TNFRSF10D: variants seen among roughly 807,000 people sequenced by gnomAD.
TNFRSF10D encodes the protein TNF receptor superfamily member 10d.
Under a neutral mutation model 42.1 loss-of-function variants are expected in TNFRSF10D, and 28 were observed. That is an observed-to-expected ratio of 0.66 (90% CI 0.49 to 0.91). The LOEUF (loss-of-function observed/expected upper bound fraction) is 0.91, where lower values mean the gene tolerates loss of function less well. Among genes scored for constraint, TNFRSF10D ranks in the 40% least tolerant of loss-of-function variants. The pLI, the probability that TNFRSF10D is intolerant of heterozygous loss-of-function variation, is 0.00. For synonymous variants in TNFRSF10D, 186 were observed against 189.4 expected, an observed-to-expected ratio of 0.98 and a Z score of 0.15; for missense variants, 503 against 486.1, an observed-to-expected ratio of 1.03 and a Z score of -0.33.
chr8:23,147,350 C>A (rs1437954110), intron 3 of TNFRSF10D, among the ~76,000 whole-genome samples: 1 of 152,226 alleles, frequency 6.6e-6, no homozygotes, highest in East Asian at 1.9e-4. Context: ...AAGGGCATCA[C>A]CTGAGAGACT....
chr8:23,153,720 A>G (rs113907392), intron 2 of TNFRSF10D, among the ~76,000 whole-genome samples: 765 of 152,194 alleles, frequency 5.0e-3, no homozygotes, highest in African/African-American at 0.017. Flanking sequence ...ACAAAAGATA[A>G]CAAGTGTTGA....
intron 2 of TNFRSF10D, 94 bp downstream of exon 2, chr8:23,154,780 T>G: frequency 7.6e-7 from 1 of 1,314,920 alleles, no homozygotes; most frequent in Non-Finnish European, 1.1e-6. Context: ...TCACAATGCG[T>G]GCATATTTCC....
intron 1 of TNFRSF10D, among the ~76,000 whole-genome samples, chr8:23,155,709 A>C (rs1213790198): frequency 6.6e-6 from 1 of 151,484 alleles, no homozygotes; most frequent in Non-Finnish European, 1.5e-5. Context: ...CAAAAAAAAA[A>C]ACAAAAAACA....
chr8:23,162,282 T>C (rs115232705), intron 1 of TNFRSF10D, among the ~76,000 whole-genome samples: 866 of 152,106 alleles, frequency 5.7e-3, no homozygotes, highest in African/African-American at 0.018. Context: ...AGGTTGCTGG[T>C]CTTGTCTACA....
intron 1 of TNFRSF10D, among the ~76,000 whole-genome samples, chr8:23,161,450 C>A (rs1224737540): frequency 2.0e-5 from 3 of 152,244 alleles, no homozygotes; most frequent in African/African-American, 7.2e-5. Flanking sequence ...CAGCTCCAGG[C>A]TCATCTGATG....
intron 8 of TNFRSF10D, 30 bp from the exon 9 acceptor site, chr8:23,138,033 A>T: frequency 6.2e-7 from 1 of 1,607,426 alleles, no homozygotes; most frequent in Non-Finnish European, 8.5e-7. Context: ...TTAGGGTCTC[A>T]ATGCTCCAAG....
In TNFRSF10D at chr8:23,145,730, AC is replaced by A; in HGVS notation, c.673del (p.Val225TrpfsTer56). The part of the protein sequence containing the change: ...IIVVLVIILA[V>X]VVVGFSCRKK... ...CCGACATGAAAAGCCAACCACAACC[AC>A]AGCTAAAATGATGACTAAAACCACT... On this transcript the variant is annotated frameshift_variant, in exon 5 of 9. Transcript: ENST00000312584. LOFTEE classifies it high-confidence loss of function. 1 of 1,613,936 alleles carries A rather than the reference AC, an allele frequency of 6.2e-7. No individual in the cohort carries two copies. Among genetic ancestry groups the A allele is most frequent in the Non-Finnish European group, 8.5e-7 (1 of 1,180,026 alleles).
intron 4 of TNFRSF10D, 105 bp from the exon 5 acceptor site, chr8:23,146,026 G>A: frequency 6.6e-7 from 1 of 1,509,236 alleles, no homozygotes; most frequent in Admixed American, 1.7e-5. Context: ...GAAGGCGTCA[G>A]GAGGACAGGC....
Position 23,163,984 on chromosome 8 carries a change from G to A in TNFRSF10D, c.-49C>T, listed in dbSNP as rs745505284. 2.7e-6 allele frequency: 4 copies of A among 1,508,472 alleles called. No individual in the cohort carries two copies. The highest frequency in any genetic ancestry group is 2.5e-5 in the Admixed American group (1 of 40,782). 93.4% of individuals were successfully genotyped at this position (1,508,472 alleles called of 1,614,324 possible). A position where few individuals can be genotyped will look rare whatever the true frequency, so the allele number is the denominator to read the frequency against. On this transcript the variant is annotated 5_prime_UTR_variant, in exon 1 of 9. It adds an upstream start codon to the 5' untranslated region. Transcript: ENST00000312584. ...AAGCGCCAAAAATCAATCAGAAATCGTCCCCGTAGTTTGTGCGCGTGCAAA... is the reference window on the plus strand; with the variant it reads ...AAGCGCCAAAAATCAATCAGAAATCATCCCCGTAGTTTGTGCGCGTGCAAA...
chr8:23,151,931 A>G (rs924514120), intron 2 of TNFRSF10D, among the ~76,000 whole-genome samples: 1 of 152,190 alleles, frequency 6.6e-6, no homozygotes, highest in Non-Finnish European at 1.5e-5. Flanking sequence ...GGGGGGATCC[A>G]GGAGATTTCA....
At chr8:23,140,520 T>C (rs1814444883) in intron 7 of TNFRSF10D, among the ~76,000 whole-genome samples, 1 of 152,124 alleles carries the variant, frequency 6.6e-6, no homozygotes, top group South Asian at 2.1e-4. Flanking sequence ...TGGAAAAACA[T>C]TCCATGCTCA....
intron 2 of TNFRSF10D, among the ~76,000 whole-genome samples, chr8:23,151,612 A>C (rs1473248300): frequency 6.6e-6 from 1 of 152,230 alleles, no homozygotes; most frequent in Non-Finnish European, 1.5e-5. Context: ...TTGTTAAGGA[A>C]TACACAACAT....
In TNFRSF10D at chr8:23,137,974, G is replaced by T. The variant is rs112449156; in HGVS notation, c.1057C>A (p.Leu353Met). 1.6e-3 allele frequency: 2,626 copies of T among 1,613,754 alleles called. No homozygotes were observed. The African/African-American group carries it at 0.019, about 12-fold the overall frequency. The change falls in exon 9 of 9, where the codon CTG (leucine) becomes ATG (methionine). Residue 353 changes from leucine to methionine, a missense_variant. Transcript: ENST00000312584. The part of the protein sequence containing the change: ...ISTLLDASAT[L>M]EEGHAKETIQ... Reference sequence around the variant, plus strand: ...GTTTCCTTTGCATGTCCTTCTTCCAGTGTTGCCGAGGCATCCAGCAAGGTG... The same window carrying T: ...GTTTCCTTTGCATGTCCTTCTTCCATTGTTGCCGAGGCATCCAGCAAGGTG...
At chr8:23,138,152 GTCC>G (rs752500647) in intron 8 of TNFRSF10D, 33 bp downstream of exon 8, 3 of 1,613,888 alleles carry the variant, frequency 1.9e-6, no homozygotes, top group Non-Finnish European at 2.5e-6. Flanking sequence ...CCTATTCCCT[GTCC>G]TCCTGCTGCG....
At chr8:23,139,996 T>G (rs1814416801) in intron 7 of TNFRSF10D, among the ~76,000 whole-genome samples, 1 of 150,546 alleles carries the variant, frequency 6.6e-6, no homozygotes, top group South Asian at 2.1e-4. Flanking sequence ...AATACAAAAA[T>G]TAACGGGGCG....
In TNFRSF10D at chr8:23,145,381, G is replaced by A. The variant is rs373899526; in HGVS notation, c.736+287C>T. ...ACCCTTGTCACCCAGTTGAGGAGCTGACTGCCCCCTGCCTGGCTGGGCCTG... is the reference window on the plus strand; with the variant it reads ...ACCCTTGTCACCCAGTTGAGGAGCTAACTGCCCCCTGCCTGGCTGGGCCTG... On this transcript the variant is annotated intron_variant, in intron 5 of 8. Transcript: ENST00000312584. Among the ~76,000 whole-genome samples, 134 of 152,354 alleles carry A rather than the reference G, an allele frequency of 8.8e-4. No individual in the cohort carries two copies. The South Asian group carries it at 0.014, about 16-fold the overall frequency.
intron 3 of TNFRSF10D, among the ~76,000 whole-genome samples, chr8:23,148,066 C>CAAAAAA (rs35108037): frequency 4.0e-5 from 2 of 49,522 alleles, no homozygotes; most frequent in African/African-American, 1.9e-4. Flanking sequence ...CTCCGTCTCC[C>CAAAAAA]AAAAAAAAAA....
rs760503905 is a variant in TNFRSF10D at position 23,163,928 on chromosome 8, A to G, written c.8T>C (p.Leu3Pro). MGLWGQSVPTASS... is the reference protein window; with the variant it reads MGPWGQSVPTASS... Reference sequence around the variant, plus strand: ...GGCGGTCGGGACGCTTTGTCCCCAAAGTCCCATGAGAAGGGAGGAGGGTGG... The same window carrying G: ...GGCGGTCGGGACGCTTTGTCCCCAAGGTCCCATGAGAAGGGAGGAGGGTGG... The change falls in exon 1 of 9, where the codon CTT (leucine) becomes CCT (proline). Residue 3 changes from leucine to proline, a missense_variant. Coordinates refer to ENST00000312584, the MANE Select transcript of TNFRSF10D (RefSeq NM_003840.5). 2 of 1,574,016 alleles carry G rather than the reference A, an allele frequency of 1.3e-6. No homozygotes were observed. Among genetic ancestry groups the G allele is most frequent in the South Asian group, 1.2e-5 (1 of 86,536 alleles).
intron 1 of TNFRSF10D, among the ~76,000 whole-genome samples, chr8:23,157,024 GA>G (rs1563362499): frequency 1.3e-5 from 2 of 152,064 alleles, no homozygotes; most frequent in African/African-American, 4.8e-5. Context: ...CAGCTTTAAC[GA>G]GACACAAATC....
Sources: gnomAD v4.1 joint callset for allele counts (sites outside exome capture counted in the v4.1 genomes callset) on GRCh38, gnomAD v4.1.1 for gene constraint, MANE v1.5 for transcripts, NCBI Gene and HGNC (gene_info 2026-07-23, HGNC 2026-07-21) for gene names.